The following DNAI7 variants were observed in gnomAD, a reference collection of about 807,000 sequenced individuals.
DNAI7 encodes cancer susceptibility 1.
DNAI7 carries 78 observed loss-of-function variants against 86.6 expected under a neutral mutation model. That is an observed-to-expected ratio of 0.90 (90% CI 0.75 to 1.09). DNAI7 has a LOEUF of 1.09. Among genes scored for constraint, DNAI7 ranks in the 50% least tolerant of loss-of-function variants. DNAI7 has a pLI of 0.00. For synonymous variants in DNAI7, 274 were observed against 273.0 expected (o/e 1.00, Z -0.04); for missense variants, 753 against 810.2 (o/e 0.93, Z 0.86).
intron 9 of DNAI7, among the ~76,000 whole-genome samples, chr12:25,131,614 C>G (rs1057148080): frequency 3.3e-5 from 5 of 152,130 alleles, no homozygotes; most frequent in African/African-American, 1.2e-4. Flanking sequence ...CTTGCAGAAT[C>G]CGTAAAGGTA....
intron 13 of DNAI7, among the ~76,000 whole-genome samples, chr12:25,113,380 C>T (rs1157191708): frequency 2.6e-5 from 4 of 152,134 alleles, no homozygotes; most frequent in Non-Finnish European, 1.5e-5. Flanking sequence ...TGGCTCACTG[C>T]AACCTCCGCC....
chr12:25,173,320 T>C (rs1948340855), intron 2 of DNAI7, among the ~76,000 whole-genome samples: 1 of 152,044 alleles, frequency 6.6e-6, no homozygotes, highest in African/African-American at 2.4e-5. Flanking sequence ...AAAGAAGATA[T>C]ACAAATGGCC....
intron 2 of DNAI7, among the ~76,000 whole-genome samples, chr12:25,174,771 C>A: frequency 1.5e-5 from 2 of 136,220 alleles, no homozygotes; most frequent in African/African-American, 5.5e-5. Flanking sequence ...TGATGGAATA[C>A]TACACGGCCA....
At chr12:25,113,394 CG>C (rs1487831903) in intron 13 of DNAI7, among the ~76,000 whole-genome samples, 1 of 152,032 alleles carries the variant, frequency 6.6e-6, no homozygotes, top group African/African-American at 2.4e-5. Context: ...CTCCGCCTCC[CG>C]GGTTCAAGCG....
chr12:25,110,016 T>C (rs994584729), intron 15 of DNAI7, 111 bp downstream of exon 15: 3 of 631,994 alleles, frequency 4.7e-6, no homozygotes, highest in Admixed American at 6.0e-5. Context: ...TGAATGTTAA[T>C]TTTTTTAACT....
chr12:25,119,344 A>G, intron 11 of DNAI7, 43 bp from the exon 12 acceptor site: 2 of 1,381,676 alleles, frequency 1.4e-6, no homozygotes, highest in Non-Finnish European at 2.0e-6. Context: ...GTTGACTGGT[A>G]GCAGTGAAAA....
At chr12:25,115,535 T>C (rs1386682931) in intron 12 of DNAI7, among the ~76,000 whole-genome samples, 1 of 72,836 alleles carries the variant, frequency 1.4e-5, no homozygotes, top group African/African-American at 2.7e-5. Flanking sequence ...TGAATAAACA[T>C]TTCACCAAAG....
chr12:25,129,513 A>C (rs1254410656), intron 9 of DNAI7, among the ~76,000 whole-genome samples: 1 of 152,198 alleles, frequency 6.6e-6, no homozygotes, highest in Non-Finnish European at 1.5e-5. Context: ...AATGTTAAGG[A>C]GCTCTGATGC....
intron 12 of DNAI7, among the ~76,000 whole-genome samples, chr12:25,116,226 T>C (rs887935534): frequency 1.3e-5 from 2 of 152,084 alleles, no homozygotes; most frequent in Non-Finnish European, 2.9e-5. Flanking sequence ...AAGTTTTTAC[T>C]CTTAAATTTC....
chr12:25,170,579 A>G (rs1948033039), intron 2 of DNAI7, among the ~76,000 whole-genome samples: 1 of 152,244 alleles, frequency 6.6e-6, no homozygotes, highest in African/African-American at 2.4e-5. Flanking sequence ...ACCAAGACAG[A>G]AAGTCAACAA....
Position 25,108,809 on chromosome 12 carries a change from A to G in DNAI7, c.1908T>C (p.Leu636=), listed in dbSNP as rs1242802796. The G allele has an allele frequency of 2.5e-6, 3 of 1,200,500 alleles. No individual in the cohort carries two copies. The highest frequency in any genetic ancestry group is 2.4e-6 in the Non-Finnish European group (2 of 848,592). The allele number at this position is 1,200,500 out of a possible 1,614,324, so 74.4% of individuals were successfully genotyped here. A position where few individuals can be genotyped will look rare whatever the true frequency, so the allele number is the denominator to read the frequency against. Residue 636 remains leucine, a synonymous_variant, in exon 16 of 16, where the codon CTT becomes CTC. Transcript: ENST00000395987. ...TAGGATTCTCAGTACATGCTTCAGT[A>G]AGGTGTTCCCTCACCTAAAAAAAAA... The part of the protein sequence containing the change: ...TKVVFKVREH[L]TEACTENPNW...
chr12:25,160,136 T>C (rs1271008633), intron 3 of DNAI7, among the ~76,000 whole-genome samples: 3 of 152,106 alleles, frequency 2.0e-5, no homozygotes, highest in Admixed American at 2.0e-4. Context: ...TTCTTTTATT[T>C]TTATAAAAGA....
chr12:25,170,405 G>T (rs1449452220), intron 2 of DNAI7, among the ~76,000 whole-genome samples: 1 of 145,004 alleles, frequency 6.9e-6, no homozygotes. Flanking sequence ...AAAAAAAAAA[G>T]CCTCGTCCAA....
intron 9 of DNAI7, among the ~76,000 whole-genome samples, chr12:25,129,764 TTTA>T (rs1565670845): frequency 3.0e-5 from 2 of 66,466 alleles, no homozygotes; most frequent in African/African-American, 6.4e-5. Context: ...TTATTTTATT[TTTA>T]TTTTTTTTTT....
At chr12:25,191,603 C>T (rs749877022) in intron 1 of DNAI7, among the ~76,000 whole-genome samples, 3 of 152,110 alleles carry the variant, frequency 2.0e-5, no homozygotes, top group Non-Finnish European at 2.9e-5. Context: ...ACTTGGGAGG[C>T]TGAGGCAGGA....
chr12:25,164,934 C>G (rs34898174), intron 2 of DNAI7, among the ~76,000 whole-genome samples: 71,411 of 151,878 alleles, frequency 0.47, 17,155 homozygotes, highest in East Asian at 0.77. Context: ...AGCCCTCCCC[C>G]ACCTGCCCAG....
At chr12:25,190,728 G>A in intron 1 of DNAI7, 97 bp from the exon 2 acceptor site, 1 of 597,090 alleles carries the variant, frequency 1.7e-6, no homozygotes, top group Non-Finnish European at 2.8e-6. Context: ...GAAGAAGCTT[G>A]GTAAAGGGCA....
intron 9 of DNAI7, among the ~76,000 whole-genome samples, chr12:25,126,482 C>CTATAAG (rs1213420070): frequency 6.6e-6 from 1 of 151,924 alleles, no homozygotes; most frequent in Admixed American, 6.6e-5. Flanking sequence ...CTAGAAGGAG[C>CTATAAG]TTATAGGAGA....
intron 9 of DNAI7, among the ~76,000 whole-genome samples, chr12:25,123,531 A>G (rs1941643003): frequency 6.6e-6 from 1 of 152,190 alleles, no homozygotes; most frequent in African/African-American, 2.4e-5. Flanking sequence ...GAAAATCCTC[A>G]AGTGTAAAAG....
Sources: gnomAD v4.1 joint callset for allele counts (sites outside exome capture counted in the v4.1 genomes callset) on GRCh38, gnomAD v4.1.1 for gene constraint, MANE v1.5 for transcripts, NCBI Gene and HGNC (gene_info 2026-07-23, HGNC 2026-07-21) for gene names.